TRPM3: variants seen among roughly 807,000 people sequenced by gnomAD.
TRPM3 encodes the protein long transient receptor potential channel 3.
Under a neutral mutation model 181.2 loss-of-function variants are expected in TRPM3, and 77 were observed. That is an observed-to-expected ratio of 0.42 (90% CI 0.35 to 0.51). The LOEUF (loss-of-function observed/expected upper bound fraction) is 0.51. TRPM3 is among the 20% of genes least tolerant of loss of function. The pLI, the probability that TRPM3 is intolerant of heterozygous loss-of-function variation, is 0.01. For synonymous variants in TRPM3, 745 were observed against 796.4 expected, an observed-to-expected ratio of 0.94 and a Z score of 1.09; for missense variants, 1,759 against 2,196.7, an observed-to-expected ratio of 0.80 and a Z score of 3.98.
intron 8 of TRPM3, among the ~76,000 whole-genome samples, chr9:70,746,494 G>T (rs1489589164): frequency 2.0e-5 from 3 of 152,096 alleles, no homozygotes; most frequent in Non-Finnish European, 4.4e-5. Flanking sequence ...TTATCTGTAA[G>T]GCACAGACAA....
At chr9:70,587,511 C>A (rs2057347109) in intron 22 of TRPM3, among the ~76,000 whole-genome samples, 1 of 152,204 alleles carries the variant, frequency 6.6e-6, no homozygotes, top group South Asian at 2.1e-4. Context: ...GAATGCAGAA[C>A]CAGATTTCTA....
chr9:70,853,521 AT>A (rs1196193452), intron 3 of TRPM3, among the ~76,000 whole-genome samples: 1 of 152,224 alleles, frequency 6.6e-6, no homozygotes, highest in East Asian at 1.9e-4. Flanking sequence ...AGCGCTCAGT[AT>A]TTTACATGGA....
At chr9:70,947,773 C>A (rs1294240456) in intron 1 of TRPM3, among the ~76,000 whole-genome samples, 2 of 152,038 alleles carry the variant, frequency 1.3e-5, no homozygotes, top group Non-Finnish European at 2.9e-5. Context: ...GTTGGACTTA[C>A]GTATGAGAAT....
chr9:71,444,912 G>A (rs1028551509), intron 1 of TRPM3, among the ~76,000 whole-genome samples: 16 of 152,200 alleles, frequency 1.1e-4, no homozygotes, highest in African/African-American at 3.9e-4. Flanking sequence ...AACTTGCCAT[G>A]CAATGTGAGA....
intron 1 of TRPM3, chr9:71,446,601 G>T (rs749111888): frequency 2.4e-5 from 36 of 1,522,946 alleles, no homozygotes; most frequent in Admixed American, 4.0e-5. Context: ...CTCAAGTCGC[G>T]TGCGAAGGGA....
intron 1 of TRPM3, among the ~76,000 whole-genome samples, chr9:71,163,060 C>T (rs764153303): frequency 5.9e-5 from 9 of 151,974 alleles, no homozygotes; most frequent in African/African-American, 9.7e-5. Flanking sequence ...AAGCCAAGGC[C>T]GATTTATAAA....
At chr9:70,887,261 G>A (rs759987884) in intron 1 of TRPM3, among the ~76,000 whole-genome samples, 12 of 152,108 alleles carry the variant, frequency 7.9e-5, no homozygotes, top group Admixed American at 2.6e-4. Flanking sequence ...CTGTCAACAT[G>A]TAGTCTCCTT....
intron 11 of TRPM3, among the ~76,000 whole-genome samples, chr9:70,635,849 T>C (rs1411810692): frequency 6.6e-6 from 1 of 152,178 alleles, no homozygotes; most frequent in African/African-American, 2.4e-5. Context: ...GTTCAAACTT[T>C]GTAAGGGAGG....
chr9:71,277,393 T>C (rs1354168241), intron 1 of TRPM3, among the ~76,000 whole-genome samples: 1 of 152,234 alleles, frequency 6.6e-6, no homozygotes, highest in Non-Finnish European at 1.5e-5. Flanking sequence ...TGTTTTTCCC[T>C]ATGTAGGCTA....
intron 1 of TRPM3, among the ~76,000 whole-genome samples, chr9:71,245,427 G>C (rs1204209520): frequency 4.4e-5 from 6 of 137,266 alleles, no homozygotes; most frequent in Non-Finnish European, 9.3e-5. Context: ...CTGGGTGAGA[G>C]AGCGAGACTC....
At chr9:70,855,565 A>G (rs986540269) in intron 3 of TRPM3, among the ~76,000 whole-genome samples, 1 of 152,200 alleles carries the variant, frequency 6.6e-6, no homozygotes, top group African/African-American at 2.4e-5. Context: ...GGTTTTTGTT[A>G]CGTAGTGTTC....
intron 1 of TRPM3, among the ~76,000 whole-genome samples, chr9:71,425,520 C>A (rs1178078290): frequency 6.6e-6 from 1 of 152,232 alleles, no homozygotes; most frequent in South Asian, 2.1e-4. Context: ...GCACCCACCA[C>A]GAAAATACAT....
At position 71,098,111 on chromosome 9, in the gene TRPM3, G is replaced by A. The variant is rs185810239; in HGVS notation, c.177+23067C>T. On this transcript the variant is annotated intron_variant, in intron 1 of 25. Coordinates refer to ENST00000677713, the MANE Select transcript of TRPM3 (RefSeq NM_001366145.2). ...GACAATAGCTGTGCAGTCAACACTGGGCCATGTGCAATCTATTTACTTATC... is the reference window on the plus strand; with the variant it reads ...GACAATAGCTGTGCAGTCAACACTGAGCCATGTGCAATCTATTTACTTATC... Among the ~76,000 whole-genome samples the A allele has an allele frequency of 3.5e-4, 53 of 152,006 alleles. No individual in the cohort carries two copies. In the East Asian group the frequency reaches 0.01, roughly 29 times the overall value.
chr9:71,253,043 A>T (rs1376477057), intron 1 of TRPM3, among the ~76,000 whole-genome samples: 1 of 151,754 alleles, frequency 6.6e-6, no homozygotes, highest in East Asian at 1.9e-4. Flanking sequence ...TTGATTCAAC[A>T]TCCTTTTGGC....
At position 70,949,207 on chromosome 9, in the gene TRPM3, C is replaced by CT. The variant is rs112588417; in HGVS notation, c.178-84697dup. Among the ~76,000 whole-genome samples the CT allele has an allele frequency of 4.2e-3, 632 of 150,322 alleles. 6 individuals carry two copies. Among genetic ancestry groups the CT allele is most frequent in the African/African-American group, 0.015 (612 of 40,964 alleles). ...GGTATAGGGTGGGTGGAACAGTAGT[C>CT]TTTTTTTTTTAATTTTTAAAAATAA... On this transcript the variant is annotated intron_variant, in intron 1 of 25. Transcript: ENST00000677713.
At chr9:70,793,643 T>G in intron 6 of TRPM3, 1 of 470,706 alleles carries the variant, frequency 2.1e-6, no homozygotes, top group South Asian at 1.5e-5. Context: ...TAAGGCAGTC[T>G]TCACCTGTCT....
At chr9:70,611,464 C>T (rs1160716748) in intron 18 of TRPM3, among the ~76,000 whole-genome samples, 1 of 152,124 alleles carries the variant, frequency 6.6e-6, no homozygotes, top group African/African-American at 2.4e-5. Context: ...CTCTCTCTCT[C>T]CTGCCACCAT....
At chr9:70,829,276 A>G (rs546581016) in intron 5 of TRPM3, among the ~76,000 whole-genome samples, 4 of 152,340 alleles carry the variant, frequency 2.6e-5, no homozygotes, top group Non-Finnish European at 4.4e-5. Context: ...TTATAAGAGC[A>G]GTCCTCAATA....
chr9:70,628,206 G>A (rs532702074), intron 12 of TRPM3, among the ~76,000 whole-genome samples: 53 of 152,308 alleles, frequency 3.5e-4, no homozygotes, highest in Admixed American at 3.3e-3. Flanking sequence ...GCCTGGGTAA[G>A]CCTCATTCAT....
Sources: gnomAD v4.1 joint callset for allele counts (sites outside exome capture counted in the v4.1 genomes callset) on GRCh38, gnomAD v4.1.1 for gene constraint, MANE v1.5 for transcripts, NCBI Gene and HGNC (gene_info 2026-07-23, HGNC 2026-07-21) for gene names.